The following TECPR2 variants were observed in gnomAD, a reference collection of about 807,000 sequenced individuals.
The protein encoded by TECPR2 is tectonin beta-propeller repeat-containing protein 2.
Under a neutral mutation model 138.1 loss-of-function variants are expected in TECPR2, and 65 were observed. That is an observed-to-expected ratio of 0.47 (90% confidence interval 0.39 to 0.58). The LOEUF (loss-of-function observed/expected upper bound fraction) is 0.58. TECPR2 is among the 20% of genes least tolerant of loss of function. TECPR2 has a pLI of 0.00. For synonymous variants in TECPR2, 746 were observed against 749.8 expected, an observed-to-expected ratio of 0.99 and a Z score of 0.08; for missense variants, 1,553 against 1,824.5, an observed-to-expected ratio of 0.85 and a Z score of 2.71.
chr14:102,430,942 G>A (rs1427117862), intron 7 of TECPR2, among the ~76,000 whole-genome samples: 2 of 151,322 alleles, frequency 1.3e-5, no homozygotes, highest in Non-Finnish European at 2.9e-5. Flanking sequence ...TAACTAAGCT[G>A]TTTTGTTATA....
chr14:102,462,863 CA>C (rs1461099423), intron 16 of TECPR2, among the ~76,000 whole-genome samples: 2 of 152,210 alleles, frequency 1.3e-5, no homozygotes, highest in African/African-American at 4.8e-5. Flanking sequence ...ACTCAGCAGT[CA>C]GGAGAAAGTT....
chr14:102,485,045 C>T (rs1222269920), intron 17 of TECPR2, among the ~76,000 whole-genome samples: 1 of 152,260 alleles, frequency 6.6e-6, no homozygotes, highest in African/African-American at 2.4e-5. Flanking sequence ...ATTATCATCA[C>T]TGCCCAGAAG....
intron 10 of TECPR2, 95 bp from the exon 11 acceptor site, chr14:102,440,340 GA>G: frequency 6.7e-7 from 1 of 1,494,438 alleles, no homozygotes; most frequent in Non-Finnish European, 9.0e-7. Flanking sequence ...ATGTGTTTTA[GA>G]AATCTTTCTC....
intron 15 of TECPR2, 36 bp downstream of exon 15, chr14:102,450,685 C>T (rs757759862): frequency 1.2e-6 from 2 of 1,601,982 alleles, no homozygotes; most frequent in Admixed American, 1.7e-5. Context: ...GAATCTAGAG[C>T]ACAGCTTGGC....
Position 102,363,007 on chromosome 14 carries a change from C to T in TECPR2, c.-182C>T, listed in dbSNP as rs1887218219. 3.0e-6 allele frequency: 3 copies of T among 994,682 alleles called. No homozygotes were observed. The highest frequency in any genetic ancestry group is 1.6e-5 in the African/African-American group (1 of 61,690). 61.6% of individuals were successfully genotyped at this position (994,682 alleles called of 1,614,324 possible). The stretch of plus-strand genomic sequence containing the variant: ...CTGCTCTTCGGTGCTGGCCCCGGTG[C>T]CGGCCCCGTTGCCCAGGGAACAGGC... On this transcript the variant is annotated 5_prime_UTR_variant, in exon 1 of 20. Transcript: ENST00000359520.
At chr14:102,476,666 T>C (rs1273416070) in intron 17 of TECPR2, among the ~76,000 whole-genome samples, 1 of 152,116 alleles carries the variant, frequency 6.6e-6, no homozygotes, top group Non-Finnish European at 1.5e-5. Context: ...GAAAAAAAGA[T>C]GTGAAGAAGA....
rs772643285 is a variant in TECPR2 at position 102,450,544 on chromosome 14, T to C, written c.3317-16T>C. 6.2e-7 allele frequency: 1 copy of C among 1,613,296 alleles called. No individual in the cohort carries two copies. The highest frequency in any genetic ancestry group is 2.2e-5 in the East Asian group (1 of 44,862). On this transcript the variant is annotated splice_polypyrimidine_tract_variant and intron_variant, in intron 14 of 19. Transcript: ENST00000359520. Reference sequence around the variant, plus strand: ...CTTTCTTTCTTTAACACATTCTTCCTATTTACTCTTTCCAGGCACCTACTG... The same window carrying C: ...CTTTCTTTCTTTAACACATTCTTCCCATTTACTCTTTCCAGGCACCTACTG...
At chr14:102,416,784 G>A (rs1490985393) in intron 5 of TECPR2, among the ~76,000 whole-genome samples, 1 of 152,172 alleles carries the variant, frequency 6.6e-6, no homozygotes, top group Non-Finnish European at 1.5e-5. Context: ...AGGAGTTCAA[G>A]AACAGCCTGG....
intron 4 of TECPR2, among the ~76,000 whole-genome samples, chr14:102,414,305 A>C (rs1257962490): frequency 6.6e-6 from 1 of 152,200 alleles, no homozygotes; most frequent in Non-Finnish European, 1.5e-5. Flanking sequence ...AACTCTCTGC[A>C]TGTTTACTGC....
chr14:102,421,953 A>G (rs957802783), intron 5 of TECPR2, among the ~76,000 whole-genome samples: 3 of 152,212 alleles, frequency 2.0e-5, no homozygotes, highest in Non-Finnish European at 4.4e-5. Context: ...AGCCAGGCAT[A>G]GGGCTGAACT....
intron 16 of TECPR2, among the ~76,000 whole-genome samples, chr14:102,453,443 G>C (rs1325533903): frequency 6.6e-6 from 1 of 151,438 alleles, no homozygotes. Context: ...TCATGCCATT[G>C]CACTCCAGCC....
chr14:102,454,371 A>G (rs1206574654), intron 16 of TECPR2, among the ~76,000 whole-genome samples: 1 of 152,162 alleles, frequency 6.6e-6, no homozygotes, highest in East Asian at 1.9e-4. Flanking sequence ...CTTTTGCCTG[A>G]AAAGGCCCCT....
chr14:102,456,779 T>C (rs1318154637), intron 16 of TECPR2, among the ~76,000 whole-genome samples: 1 of 151,572 alleles, frequency 6.6e-6, no homozygotes, highest in Non-Finnish European at 1.5e-5. Context: ...TTAGTAGAGA[T>C]GGGGTTTCAC....
chr14:102,375,045 G>A (rs115114103), intron 1 of TECPR2, among the ~76,000 whole-genome samples: 1,583 of 152,216 alleles, frequency 0.01, 29 homozygotes, highest in African/African-American at 0.036. Context: ...TGGATAGGCC[G>A]GACACGGTGG....
At chr14:102,383,028 G>A (rs996922277) in intron 2 of TECPR2, among the ~76,000 whole-genome samples, 6 of 152,222 alleles carry the variant, frequency 3.9e-5, no homozygotes, top group African/African-American at 1.4e-4. Context: ...AAAGTGCTGG[G>A]ATGACAGGCG....
intron 16 of TECPR2, among the ~76,000 whole-genome samples, chr14:102,462,038 T>C (rs1227459383): frequency 2.6e-5 from 4 of 152,208 alleles, no homozygotes; most frequent in African/African-American, 9.7e-5. Context: ...GCACTGGAAG[T>C]ACATCATCTA....
rs1474091027 is a variant in TECPR2 at position 102,362,970 on chromosome 14, C to T, written c.-219C>T. 4 of 1,360,734 alleles carry T rather than the reference C, an allele frequency of 2.9e-6. No individual in the cohort carries two copies. Among genetic ancestry groups the T allele is most frequent in the African/African-American group, 2.9e-5 (2 of 69,514 alleles). 84.3% of individuals were successfully genotyped at this position (1,360,734 alleles called of 1,614,324 possible). ...GTGGCTCTGCCGCTCTAGCCCCCGG[C>T]GGAGCCAGCTGCTGCTCTTCGGTGC... On this transcript the variant is annotated 5_prime_UTR_variant, in exon 1 of 20. Transcript: ENST00000359520.
At position 102,443,277 on chromosome 14, in the gene TECPR2, T is replaced by C. The variant is rs1047031184; in HGVS notation, c.2753-370T>C. 6.6e-6 allele frequency among the ~76,000 whole-genome samples: 1 copy of C among 152,256 alleles called. No individual in the cohort carries two copies. The highest frequency in any genetic ancestry group is 2.4e-5 in the African/African-American group (1 of 41,470). ...CCAGATAATTCTGAATTGTTCAGTT[T>C]TCAAAGAGTGTCTAAAACTGTTTTC... On this transcript the variant is annotated intron_variant, in intron 11 of 19. Transcript: ENST00000359520. The surrounding 1 kb of genome is among the most constrained non-coding windows in gnomAD (Gnocchi z 4.9).
chr14:102,493,210 T>G (rs1252670253), intron 17 of TECPR2, among the ~76,000 whole-genome samples: 1 of 152,240 alleles, frequency 6.6e-6, no homozygotes, highest in Non-Finnish European at 1.5e-5. Context: ...GTCTCAGCTC[T>G]GGGCCAGGAC....
Sources: allele counts gnomAD v4.1 joint callset (sites outside exome capture counted in the v4.1 genomes callset), GRCh38; gene constraint gnomAD v4.1.1; non-coding constraint Gnocchi (gnomAD v3.1); transcripts MANE v1.5; gene names NCBI Gene and HGNC (gene_info 2026-07-23, HGNC 2026-07-21).